The following CSMD1 variants were observed in gnomAD, a reference collection of about 807,000 sequenced individuals.
The protein encoded by CSMD1 is CUB and Sushi multiple domains 1.
A neutral mutation model predicts 417.5 loss-of-function variants in CSMD1; 213 were observed. The ratio of observed to expected loss-of-function variants is 0.51; its 90% confidence interval spans 0.46 to 0.57. The LOEUF is 0.57. Among genes scored for constraint, CSMD1 ranks in the 20% least tolerant of loss-of-function variants. The pLI is 0.00. For missense variants in CSMD1, 6,923 were observed against 4,529.7 expected, an observed-to-expected ratio of 1.53 and a Z score of -15.17; for synonymous variants, 2,862 against 1,736.8, an observed-to-expected ratio of 1.65 and a Z score of -16.11.
intron 68 of CSMD1, among the ~76,000 whole-genome samples, chr8:2,943,532 A>T (rs1217538020): frequency 6.6e-6 from 1 of 152,148 alleles, no homozygotes; most frequent in African/African-American, 2.4e-5. Flanking sequence ...CTGACCTAAA[A>T]TATACCTTTT....
chr8:4,112,633 TC>T (rs1357813757), intron 3 of CSMD1, among the ~76,000 whole-genome samples: 1 of 152,144 alleles, frequency 6.6e-6, no homozygotes, highest in Non-Finnish European at 1.5e-5. Flanking sequence ...CAGGGACCTG[TC>T]CAAAGGGGAT....
chr8:4,196,904 C>A (rs1799371035), intron 3 of CSMD1, among the ~76,000 whole-genome samples: 1 of 152,204 alleles, frequency 6.6e-6, no homozygotes, highest in Non-Finnish European at 1.5e-5. Flanking sequence ...TAAATTCCCA[C>A]ATTTCTAAGA....
At chr8:3,454,360 G>T (rs999491003) in intron 12 of CSMD1, among the ~76,000 whole-genome samples, 6 of 152,160 alleles carry the variant, frequency 3.9e-5, no homozygotes, top group Non-Finnish European at 7.3e-5. Context: ...TTATTATGAT[G>T]TTAGCTGGTT....
At chr8:4,676,762 C>A (rs1278621681) in intron 1 of CSMD1, among the ~76,000 whole-genome samples, 2 of 151,856 alleles carry the variant, frequency 1.3e-5, no homozygotes, top group Non-Finnish European at 2.9e-5. Context: ...TGTTCTTAGC[C>A]CACCAAAGCT....
At chr8:3,514,669 T>G (rs150523677) in intron 10 of CSMD1, among the ~76,000 whole-genome samples, 2 of 152,220 alleles carry the variant, frequency 1.3e-5, no homozygotes, top group African/African-American at 4.8e-5. Context: ...AAATTTTTTT[T>G]ATCATATTTG....
chr8:3,271,350 C>G (rs532480135), intron 26 of CSMD1, among the ~76,000 whole-genome samples: 2 of 151,956 alleles, frequency 1.3e-5, no homozygotes, highest in South Asian at 4.2e-4. Context: ...TGGGTTGGTT[C>G]CAAGTCTTTG....
chr8:4,604,371 A>T (rs1231971279), intron 2 of CSMD1, among the ~76,000 whole-genome samples: 1 of 130,498 alleles, frequency 7.7e-6, no homozygotes. Context: ...TTTACTCTTG[A>T]CAAATAGCAT....
intron 50 of CSMD1, among the ~76,000 whole-genome samples, chr8:3,041,959 A>G (rs1811127431): frequency 6.6e-6 from 1 of 152,190 alleles, no homozygotes; most frequent in Non-Finnish European, 1.5e-5. Flanking sequence ...GTTAGTGATT[A>G]TTGGCCACCC....
At chr8:3,863,161 G>A (rs911300551) in intron 5 of CSMD1, among the ~76,000 whole-genome samples, 1 of 152,076 alleles carries the variant, frequency 6.6e-6, no homozygotes, top group African/African-American at 2.4e-5. Context: ...ATTTTGGGAG[G>A]CCAAGTCAAG....
chr8:3,200,841 C>T (rs1345904627), intron 32 of CSMD1, among the ~76,000 whole-genome samples: 1 of 152,068 alleles, frequency 6.6e-6, no homozygotes, highest in African/African-American at 2.4e-5. Flanking sequence ...CAAATCTGAA[C>T]ATTAATTGGT....
chr8:3,602,431 C>G (rs1486222463), intron 8 of CSMD1, among the ~76,000 whole-genome samples: 1 of 152,066 alleles, frequency 6.6e-6, no homozygotes, highest in Admixed American at 6.5e-5. Flanking sequence ...AATTAGGGAG[C>G]AGGGGGAATG....
intron 5 of CSMD1, among the ~76,000 whole-genome samples, chr8:3,927,633 C>G (rs912966292): frequency 6.6e-6 from 1 of 152,072 alleles, no homozygotes; most frequent in East Asian, 1.9e-4. Flanking sequence ...CCACTGAACT[C>G]CACACTCGGC....
At chr8:4,019,894 A>G (rs969358138) in intron 4 of CSMD1, among the ~76,000 whole-genome samples, 1 of 146,428 alleles carries the variant, frequency 6.8e-6, no homozygotes, top group African/African-American at 2.5e-5. Context: ...TTCTTATTCT[A>G]AAGAATAGCA....
intron 3 of CSMD1, among the ~76,000 whole-genome samples, chr8:4,187,984 G>A (rs972612782): frequency 1.3e-5 from 2 of 151,772 alleles, no homozygotes; most frequent in East Asian, 1.9e-4. Flanking sequence ...ATTCCCCTGC[G>A]TTTATCTCCT....
At chr8:4,466,412 A>T (rs990912631) in intron 2 of CSMD1, among the ~76,000 whole-genome samples, 2 of 152,210 alleles carry the variant, frequency 1.3e-5, no homozygotes, top group African/African-American at 4.8e-5. Flanking sequence ...GCCAAAAAAA[A>T]CACTCACTTT....
intron 1 of CSMD1, among the ~76,000 whole-genome samples, chr8:4,689,472 A>G (rs886999178): frequency 2.6e-5 from 4 of 152,190 alleles, no homozygotes; most frequent in African/African-American, 9.7e-5. Context: ...TTTGTGGGGA[A>G]AAAAGGGTTT....
At chr8:3,361,397 G>A (rs1456691053) in intron 20 of CSMD1, among the ~76,000 whole-genome samples, 1 of 152,046 alleles carries the variant, frequency 6.6e-6, no homozygotes, top group Non-Finnish European at 1.5e-5. Flanking sequence ...GGGAGGCAGA[G>A]GCGGGTGGAT....
intron 1 of CSMD1, among the ~76,000 whole-genome samples, chr8:4,966,907 G>C (rs1459503804): frequency 2.0e-5 from 3 of 152,128 alleles, no homozygotes; most frequent in Admixed American, 6.5e-5. Context: ...ATCAACTAAA[G>C]TGACTGAAGC....
intron 1 of CSMD1, among the ~76,000 whole-genome samples, chr8:4,778,096 G>A (rs999233637): frequency 6.6e-6 from 1 of 151,810 alleles, no homozygotes; most frequent in Admixed American, 6.6e-5. Context: ...TTTAAAATTA[G>A]GATCAGTATA....
Sources: allele counts gnomAD v4.1 joint callset (sites outside exome capture counted in the v4.1 genomes callset), GRCh38; gene constraint gnomAD v4.1.1; transcripts MANE v1.5; gene names NCBI Gene and HGNC (gene_info 2026-07-23, HGNC 2026-07-21).